The following LIPI variants were observed in gnomAD, a reference collection of about 807,000 sequenced individuals.
The protein encoded by LIPI is lipase member I.
A neutral mutation model predicts 50.6 loss-of-function variants in LIPI; 59 were observed. The observed-to-expected ratio is 1.16, with a 90% CI of 0.94 to 1.45. The LOEUF is 1.45. LIPI is among the 40% of genes most tolerant of loss of function. LIPI has a pLI of 0.00. For missense variants in LIPI, 586 were observed against 536.3 expected (o/e 1.09, Z -0.92); for synonymous variants, 203 against 178.2 (o/e 1.14, Z -1.11).
intron 8 of LIPI, among the ~76,000 whole-genome samples, chr21:14,145,412 C>T (rs1262253767): frequency 6.6e-6 from 1 of 152,122 alleles, no homozygotes; most frequent in African/African-American, 2.4e-5. Flanking sequence ...AGCCACACAG[C>T]TAATAATGCT....
intron 7 of LIPI, among the ~76,000 whole-genome samples, chr21:14,157,058 A>C (rs1600872327): frequency 6.6e-6 from 1 of 151,890 alleles, no homozygotes; most frequent in East Asian, 1.9e-4. Flanking sequence ...ATTGTAAATG[A>C]AGAAATTGGA....
At chr21:14,123,028 A>T (rs950042384) in intron 9 of LIPI, among the ~76,000 whole-genome samples, 14 of 152,204 alleles carry the variant, frequency 9.2e-5, no homozygotes, top group African/African-American at 3.1e-4. Flanking sequence ...ACCTCATGTT[A>T]TGTATATGAA....
intron 4 of LIPI, among the ~76,000 whole-genome samples, chr21:14,168,249 G>C (rs1368671267): frequency 6.6e-6 from 1 of 152,212 alleles, no homozygotes; most frequent in Non-Finnish European, 1.5e-5. Context: ...TGGTGTACCT[G>C]AAAGTGACAG....
intron 9 of LIPI, among the ~76,000 whole-genome samples, chr21:14,129,617 T>A (rs1475569): frequency 0.33 from 49,804 of 151,332 alleles, 8,298 homozygotes; most frequent in East Asian, 0.45. Flanking sequence ...GTAATATAAC[T>A]GCAGAAAAAA....
rs1056150206 is a variant in LIPI at position 14,182,683 on chromosome 21, A to T, written c.542-824T>A. Reference sequence around the variant, plus strand: ...GATGTGAAGGACCTCTTCAAGGAGAACTACAAACCACTGCTCAATGAAATA... The same window carrying T: ...GATGTGAAGGACCTCTTCAAGGAGATCTACAAACCACTGCTCAATGAAATA... On this transcript the variant is annotated intron_variant, in intron 3 of 9. Coordinates refer to ENST00000681601, the MANE Select transcript of LIPI (RefSeq NM_001302998.2). Among the ~76,000 whole-genome samples, 10 of 151,912 alleles carry T rather than the reference A, an allele frequency of 6.6e-5. No individual in the cohort carries two copies. The East Asian group carries it at 9.7e-4, about 15-fold the overall frequency.
intron 1 of LIPI, among the ~76,000 whole-genome samples, chr21:14,195,880 A>T (rs1016307356): frequency 5.3e-5 from 8 of 152,200 alleles, no homozygotes; most frequent in African/African-American, 1.9e-4. Flanking sequence ...AAACAATGTG[A>T]ATTAAAACCA....
At chr21:14,110,848 G>T (rs2016378746) in intron 9 of LIPI, among the ~76,000 whole-genome samples, 1 of 147,506 alleles carries the variant, frequency 6.8e-6, no homozygotes, top group Admixed American at 6.9e-5. Flanking sequence ...CCAATTTATA[G>T]ATCTCTATCT....
chr21:14,147,061 G>A (rs898395045), intron 8 of LIPI, among the ~76,000 whole-genome samples: 1 of 152,068 alleles, frequency 6.6e-6, no homozygotes, highest in Non-Finnish European at 1.5e-5. Flanking sequence ...ACAAGCGTGA[G>A]CCACCATGCC....
chr21:14,159,309 A>G (rs1375947027), intron 7 of LIPI, among the ~76,000 whole-genome samples: 1 of 151,520 alleles, frequency 6.6e-6, no homozygotes, highest in Non-Finnish European at 1.5e-5. Context: ...ACTAAGCCCA[A>G]GTAGAATTTA....
At chr21:14,114,561 T>C (rs2016549528) in intron 9 of LIPI, among the ~76,000 whole-genome samples, 1 of 152,144 alleles carries the variant, frequency 6.6e-6, no homozygotes, top group African/African-American at 2.4e-5. Context: ...AGCAGCTGCC[T>C]CTGGAGGGTC....
At chr21:14,136,023 T>C (rs2017485857) in intron 9 of LIPI, among the ~76,000 whole-genome samples, 2 of 152,154 alleles carry the variant, frequency 1.3e-5, no homozygotes, top group Non-Finnish European at 2.9e-5. Context: ...GTCTCCCCTG[T>C]TCCAGGCTCT....
At chr21:14,181,318 T>A (rs904247886) in intron 4 of LIPI, among the ~76,000 whole-genome samples, 1 of 152,164 alleles carries the variant, frequency 6.6e-6, no homozygotes, top group East Asian at 1.9e-4. Context: ...TCCTTACATT[T>A]AAGGAAGACT....
chr21:14,124,869 C>T (rs1294178738), intron 9 of LIPI, among the ~76,000 whole-genome samples: 5 of 152,152 alleles, frequency 3.3e-5, no homozygotes, highest in African/African-American at 9.7e-5. Context: ...CACGCACATG[C>T]CTGTAATCCC....
intron 9 of LIPI, among the ~76,000 whole-genome samples, chr21:14,114,300 G>T (rs1399056364): frequency 2.0e-5 from 3 of 152,142 alleles, no homozygotes; most frequent in Non-Finnish European, 4.4e-5. Flanking sequence ...GACATGTGGG[G>T]ATTATGGGAA....
intron 2 of LIPI, among the ~76,000 whole-genome samples, chr21:14,186,320 G>A (rs2019455327): frequency 6.6e-6 from 1 of 152,100 alleles, no homozygotes; most frequent in Non-Finnish European, 1.5e-5. Context: ...ATGCAGAACA[G>A]TATGCAAAAT....
chr21:14,178,828 A>G (rs1465794949), intron 4 of LIPI, among the ~76,000 whole-genome samples: 1 of 152,116 alleles, frequency 6.6e-6, no homozygotes, highest in African/African-American at 2.4e-5. Context: ...TGTAAAAATA[A>G]TTTGAGATTG....
intron 7 of LIPI, among the ~76,000 whole-genome samples, chr21:14,157,838 TTTTTCTTCTAC>T: frequency 6.6e-6 from 1 of 151,960 alleles, no homozygotes; most frequent in South Asian, 2.1e-4. Context: ...GTTGACTCTA[TTTTTCTTCTAC>T]TTTTCTTCTC....
intron 9 of LIPI, among the ~76,000 whole-genome samples, chr21:14,113,803 A>G (rs907427955): frequency 2.0e-5 from 3 of 152,242 alleles, no homozygotes; most frequent in Non-Finnish European, 4.4e-5. Flanking sequence ...GGAAGGCCTC[A>G]GGAAACTTAA....
chr21:14,146,018 C>A (rs1440270192), intron 8 of LIPI, among the ~76,000 whole-genome samples: 1 of 152,110 alleles, frequency 6.6e-6, no homozygotes, highest in South Asian at 2.1e-4. Context: ...ATGAACATAT[C>A]CAAATTTTTC....
Sources: gnomAD v4.1 joint callset for allele counts (sites outside exome capture counted in the v4.1 genomes callset) on GRCh38, gnomAD v4.1.1 for gene constraint, MANE v1.5 for transcripts, NCBI Gene and HGNC (gene_info 2026-07-23, HGNC 2026-07-21) for gene names.